ENOX1: variants seen among roughly 807,000 people sequenced by gnomAD.
ENOX1 encodes the protein candidate growth-related and time keeping constitutive hydroquinone (NADH) oxidase.
ENOX1 carries 42 observed loss-of-function variants against 82.5 expected under a neutral mutation model. The observed-to-expected ratio is 0.51, with a 90% CI of 0.40 to 0.66. The LOEUF (loss-of-function observed/expected upper bound fraction) is 0.66. ENOX1 is among the 30% of genes least tolerant of loss of function. The pLI, the probability that ENOX1 is intolerant of heterozygous loss-of-function variation, is 0.00. For synonymous variants in ENOX1, 271 were observed against 282.2 expected (o/e 0.96, Z 0.40); for missense variants, 608 against 811.6 (o/e 0.75, Z 3.05).
At chr13:43,325,554 C>G (rs1471327498) in intron 10 of ENOX1, among the ~76,000 whole-genome samples, 2 of 152,070 alleles carry the variant, frequency 1.3e-5, no homozygotes, top group African/African-American at 4.8e-5. Flanking sequence ...ACTTATTTTA[C>G]AAGTGTAAGC....
At chr13:43,762,909 A>G (rs1447626026) in intron 1 of ENOX1, among the ~76,000 whole-genome samples, 1 of 152,234 alleles carries the variant, frequency 6.6e-6, no homozygotes, top group East Asian at 1.9e-4. Flanking sequence ...AATTAGCCCT[A>G]CTAATGGAAG....
At chr13:43,759,352 C>T (rs934559799) in intron 1 of ENOX1, among the ~76,000 whole-genome samples, 2 of 152,148 alleles carry the variant, frequency 1.3e-5, no homozygotes, top group African/African-American at 2.4e-5. Flanking sequence ...CCTGCCTCAG[C>T]CTCCCAAAGT....
At chr13:43,773,620 T>C (rs553867079) in intron 1 of ENOX1, among the ~76,000 whole-genome samples, 6 of 152,324 alleles carry the variant, frequency 3.9e-5, no homozygotes, top group African/African-American at 1.2e-4. Flanking sequence ...CCAACCACCC[T>C]TCAGGTATGA....
intron 2 of ENOX1, among the ~76,000 whole-genome samples, chr13:43,600,293 A>G (rs2088201): frequency 0.43 from 65,012 of 151,932 alleles, 16,442 homozygotes; most frequent in East Asian, 0.8. Context: ...CTGGCCAGAG[A>G]GAAGTTCACT....
At chr13:43,509,083 A>G (rs2077275403) in intron 2 of ENOX1, among the ~76,000 whole-genome samples, 2 of 152,062 alleles carry the variant, frequency 1.3e-5, no homozygotes, top group South Asian at 4.1e-4. Flanking sequence ...TAAAGCTCAA[A>G]TAGCAATGTC....
At chr13:43,429,578 G>A (rs984151372) in intron 3 of ENOX1, among the ~76,000 whole-genome samples, 1 of 152,210 alleles carries the variant, frequency 6.6e-6, no homozygotes, top group South Asian at 2.1e-4. Flanking sequence ...ATCAAATGGG[G>A]AAAGACTTGT....
rs2044322426 is a variant in ENOX1, at chr13:43,265,510, C to A, written c.1555-56G>T. 5 of 1,441,414 alleles carry A rather than the reference C, an allele frequency of 3.5e-6. No individual in the cohort carries two copies. The South Asian group carries it at 5.9e-5, about 17-fold the overall frequency. The allele number at this position is 1,441,414 out of a possible 1,614,324, so 89.3% of individuals were successfully genotyped here. A position where few individuals can be genotyped will look rare whatever the true frequency, so the allele number is the denominator to read the frequency against. ...CAAAAAAATGAATAAGCAAGCAAAT[C>A]TCTTAAGTATATCATCTTGTTAACT... On this transcript the variant is annotated intron_variant, in intron 13 of 16. Coordinates refer to ENST00000690772, the MANE Select transcript of ENOX1 (RefSeq NM_001347969.2).
At chr13:43,733,109 C>A (rs1052214377) in intron 1 of ENOX1, among the ~76,000 whole-genome samples, 1 of 152,074 alleles carries the variant, frequency 6.6e-6, no homozygotes, top group African/African-American at 2.4e-5. Flanking sequence ...GAAGAATATA[C>A]CTTCATACCT....
intron 2 of ENOX1, among the ~76,000 whole-genome samples, chr13:43,633,407 G>GAT (rs946279591): frequency 9.2e-5 from 14 of 152,042 alleles, no homozygotes; most frequent in African/African-American, 3.1e-4. Context: ...CTGTCTCATA[G>GAT]ATATTCTTAC....
intron 3 of ENOX1, among the ~76,000 whole-genome samples, chr13:43,471,548 C>T (rs965219149): frequency 1.3e-5 from 2 of 152,098 alleles, no homozygotes; most frequent in East Asian, 1.9e-4. Context: ...TGGTGGCTCA[C>T]ACCTGTAATC....
intron 9 of ENOX1, among the ~76,000 whole-genome samples, chr13:43,328,691 CA>C (rs1459327515): frequency 6.6e-6 from 1 of 152,126 alleles, no homozygotes; most frequent in East Asian, 1.9e-4. Context: ...CCCAATAGTG[CA>C]CAGGTTTAGG....
At chr13:43,331,960 T>G (rs769513164) in intron 9 of ENOX1, among the ~76,000 whole-genome samples, 1 of 152,092 alleles carries the variant, frequency 6.6e-6, no homozygotes, top group African/African-American at 2.4e-5. Context: ...AAACCCATAC[T>G]TTAAGGAGGG....
chr13:43,724,247 T>C (rs1298184288), intron 1 of ENOX1, among the ~76,000 whole-genome samples: 4 of 152,182 alleles, frequency 2.6e-5, no homozygotes, highest in Admixed American at 1.3e-4. Flanking sequence ...GGACTTCTCA[T>C]GCATGAAAGG....
chr13:43,704,421 G>C (rs1484651259), intron 1 of ENOX1, among the ~76,000 whole-genome samples: 1 of 151,926 alleles, frequency 6.6e-6, no homozygotes, highest in African/African-American at 2.4e-5. Context: ...ACTTTTTGAA[G>C]GCACTGAAGG....
chr13:43,614,103 T>A (rs892160970), intron 2 of ENOX1, among the ~76,000 whole-genome samples: 15 of 152,262 alleles, frequency 9.9e-5, no homozygotes, highest in African/African-American at 3.6e-4. Flanking sequence ...AACTCCTATC[T>A]CTGTTGCTGC....
rs192950981 is a variant in ENOX1 at position 43,680,508 on chromosome 13, G to T, written c.-284-12964C>A. 2.8e-4 allele frequency among the ~76,000 whole-genome samples: 43 copies of T among 152,284 alleles called. 3 individuals carry two copies. The highest frequency in any genetic ancestry group is 9.9e-4 in the African/African-American group (41 of 41,562). On this transcript the variant is annotated intron_variant, in intron 1 of 16. Coordinates refer to ENST00000690772, the MANE Select transcript of ENOX1 (RefSeq NM_001347969.2). ...TCATCTCTGCCTTGGAGAAGATGCA[G>T]CAAGACTGAGTGCATAGGGTAATGA... is the stretch of plus-strand genomic sequence containing the variant.
chr13:43,301,538 T>C (rs1164923323), intron 11 of ENOX1, among the ~76,000 whole-genome samples: 2 of 145,084 alleles, frequency 1.4e-5, no homozygotes, highest in Non-Finnish European at 3.0e-5. Context: ...AGGAATGTGA[T>C]ATCATCATAT....
rs200070569 is a variant in ENOX1, at chr13:43,470,226, A to G, written c.-75+13783T>C. Among the ~76,000 whole-genome samples the G allele has an allele frequency of 2.2e-3, 126 of 57,676 alleles. 1 individual carries two copies. The highest frequency in any genetic ancestry group is 4.7e-3 in the African/African-American group (103 of 22,042). The allele number at this position is 57,676 out of a possible 152,430, so 37.8% of individuals were successfully genotyped here. ...TATGTGTATATATATATGTGTGTGT[A>G]TGTGTGTGTGTGTATATATATACAT... On this transcript the variant is annotated intron_variant, in intron 3 of 16. Coordinates refer to ENST00000690772, the MANE Select transcript of ENOX1 (RefSeq NM_001347969.2).
chr13:43,711,056 C>A (rs1234146349), intron 1 of ENOX1, among the ~76,000 whole-genome samples: 6 of 146,264 alleles, frequency 4.1e-5, no homozygotes, highest in Non-Finnish European at 7.5e-5. Context: ...TCTCCAAATG[C>A]TATCCCTCCC....
Sources: allele counts gnomAD v4.1 joint callset (sites outside exome capture counted in the v4.1 genomes callset), GRCh38; gene constraint gnomAD v4.1.1; transcripts MANE v1.5; gene names NCBI Gene and HGNC (gene_info 2026-07-23, HGNC 2026-07-21).